Variants in CYRIB observed in about 807,000 individuals in gnomAD.
CYRIB encodes CYFIP related Rac1 interactor B, also known as CYFIP-related Rac1 interactor B.
A neutral mutation model predicts 44.2 loss-of-function variants in CYRIB; 8 were observed. That is an observed-to-expected ratio of 0.18 (90% CI 0.11 to 0.33). The LOEUF is 0.33. Ranked by LOEUF, CYRIB falls within the 10% of genes least tolerant of loss-of-function variation. The probability of loss-of-function intolerance (pLI) is 1.00; values close to 1 mark genes in which losing one functional copy is unlikely to be tolerated. For missense variants in CYRIB, 185 were observed against 382.8 expected, an observed-to-expected ratio of 0.48 and a Z score of 4.31; for synonymous variants, 131 against 127.2, an observed-to-expected ratio of 1.03 and a Z score of -0.20.
chr8:129,852,429 AT>A (rs548180781), intron 7 of CYRIB, 151 bp from the exon 10 acceptor site: 15 of 404,272 alleles, frequency 3.7e-5, no homozygotes, highest in South Asian at 1.2e-4. Context: ...AAAAAAAGTT[AT>A]TTTTTTTAAA....
intron 11 of CYRIB, among the ~76,000 whole-genome samples, chr8:129,842,908 A>C (rs1179254202): frequency 3.3e-5 from 5 of 152,192 alleles, no homozygotes; most frequent in Non-Finnish European, 7.3e-5. Flanking sequence ...CAGCTGTTAT[A>C]TCTCTAAAAT....
At chr8:129,925,284 G>A (rs563209081) in intron 1 of CYRIB, among the ~76,000 whole-genome samples, 111 of 152,286 alleles carry the variant, frequency 7.3e-4, no homozygotes, top group Non-Finnish European at 1.3e-3. Context: ...TGTAGTCTCA[G>A]CCACTCAGGA....
chr8:129,951,241 T>A (rs1407993225), intron 2 of CYRIB, among the ~76,000 whole-genome samples: 1 of 152,118 alleles, frequency 6.6e-6, no homozygotes, highest in African/African-American at 2.4e-5. Flanking sequence ...GAGACAGAAG[T>A]TGCAGTGAGC....
intron 4 of CYRIB, among the ~76,000 whole-genome samples, chr8:129,863,711 T>C (rs2051434440): frequency 6.6e-6 from 1 of 152,110 alleles, no homozygotes; most frequent in Non-Finnish European, 1.5e-5. Context: ...TGACTTCTTC[T>C]ATACCCAGTC....
At position 129,982,962 on chromosome 8, in the gene CYRIB, AT is replaced by A. The variant is rs1352422560; in HGVS notation, c.-295-11968del. 2.6e-5 allele frequency among the ~76,000 whole-genome samples: 4 copies of A among 151,894 alleles called. No homozygotes were observed. The East Asian group carries it at 7.7e-4, about 29-fold the overall frequency. ...CAGCTCTCCAAAATGTATACACTAA[AT>A]ATGTGCAATTTTTTTCATATACCAA... On this transcript the variant is annotated intron_variant, in intron 1 of 14. Coordinates refer to the CYRIB transcript ENST00000401979.
chr8:130,016,767 G>T (rs1361094963), upstream of CYRIB: 7 of 150,730 alleles, frequency 4.6e-5, no homozygotes, highest in East Asian at 5.9e-4. Flanking sequence ...AGAACCCCGC[G>T]CCCGCCTGGC....
intron 2 of CYRIB, among the ~76,000 whole-genome samples, chr8:129,883,454 A>C (rs1202170593): frequency 1.3e-5 from 2 of 152,168 alleles, no homozygotes; most frequent in African/African-American, 4.8e-5. Context: ...AGCTCATATC[A>C]CAATGTCTCT....
At chr8:130,014,256 C>T (rs1314902467) in intron 1 of CYRIB, among the ~76,000 whole-genome samples, 1 of 152,088 alleles carries the variant, frequency 6.6e-6, no homozygotes, top group Non-Finnish European at 1.5e-5. Flanking sequence ...ATGGAGAGAC[C>T]CCATCTCTAC....
chr8:129,877,753 A>C (rs2059627845), intron 3 of CYRIB, among the ~76,000 whole-genome samples: 1 of 151,918 alleles, frequency 6.6e-6, no homozygotes, highest in Non-Finnish European at 1.5e-5. Flanking sequence ...GTAATCTTTT[A>C]AATACTACAT....
chr8:129,971,665 T>C (rs977250374), intron 1 of CYRIB, among the ~76,000 whole-genome samples: 2 of 152,182 alleles, frequency 1.3e-5, no homozygotes, highest in Admixed American at 1.3e-4. Flanking sequence ...ATTGGGACCC[T>C]TGGCTGCAGC....
chr8:129,950,927 AT>A (rs2094469233), intron 2 of CYRIB, among the ~76,000 whole-genome samples: 2 of 152,310 alleles, frequency 1.3e-5, no homozygotes, highest in African/African-American at 4.8e-5. Flanking sequence ...TGAGCAAGTC[AT>A]TTATTTTCTC....
chr8:129,944,793 AC>A (rs2094021640), upstream of CYRIB, among the ~76,000 whole-genome samples: 2 of 151,930 alleles, frequency 1.3e-5, no homozygotes, highest in African/African-American at 2.4e-5. Context: ...AAAAAAAAAA[AC>A]AAAAACAAAA....
chr8:129,959,856 C>A (rs1467924836), intron 2 of CYRIB, among the ~76,000 whole-genome samples: 2 of 152,126 alleles, frequency 1.3e-5, no homozygotes, highest in African/African-American at 4.8e-5. Context: ...ATGATCCAAT[C>A]AGGACAAAGT....
intron 11 of CYRIB, among the ~76,000 whole-genome samples, chr8:129,842,973 C>G (rs1468006683): frequency 6.6e-6 from 1 of 152,138 alleles, no homozygotes; most frequent in African/African-American, 2.4e-5. Context: ...TACATGCATG[C>G]AAATCCAACA....
chr8:129,956,503 A>G (rs1160002961), intron 2 of CYRIB, among the ~76,000 whole-genome samples: 2 of 151,278 alleles, frequency 1.3e-5, no homozygotes, highest in South Asian at 4.2e-4. Context: ...AGGCAGCAAG[A>G]TTCATATATA....
intron 2 of CYRIB, among the ~76,000 whole-genome samples, chr8:129,897,974 C>T (rs540925174): frequency 6.6e-6 from 1 of 152,132 alleles, no homozygotes; most frequent in South Asian, 2.1e-4. Context: ...CCATGTTGGC[C>T]AGGCTGGTCT....
At chr8:129,880,173 A>G (rs1380773968) in intron 2 of CYRIB, among the ~76,000 whole-genome samples, 1 of 152,228 alleles carries the variant, frequency 6.6e-6, no homozygotes, top group African/African-American at 2.4e-5. Context: ...CTGGCTACAC[A>G]CTCAACATGA....
chr8:129,990,560 C>A (rs1051648266), intron 1 of CYRIB, among the ~76,000 whole-genome samples: 2 of 151,838 alleles, frequency 1.3e-5, no homozygotes, highest in Non-Finnish European at 2.9e-5. Flanking sequence ...GGGTTTCACT[C>A]TGTCAGGCTA....
intron 2 of CYRIB, among the ~76,000 whole-genome samples, chr8:129,887,169 GC>G (rs1301286710): frequency 6.6e-6 from 1 of 152,046 alleles, no homozygotes; most frequent in Non-Finnish European, 1.5e-5. Context: ...CACAGGCCAG[GC>G]CCAGGGCCTG....
Sources: allele counts gnomAD v4.1 joint callset (sites outside exome capture counted in the v4.1 genomes callset), GRCh38; gene constraint gnomAD v4.1.1; transcripts MANE v1.5; gene names NCBI Gene and HGNC (gene_info 2026-07-23, HGNC 2026-07-21).